PPM1L: variants seen among roughly 807,000 people sequenced by gnomAD.
PPM1L encodes protein phosphatase 1L.
A neutral mutation model predicts 31.4 loss-of-function variants in PPM1L; 13 were observed. The observed-to-expected ratio is 0.41, with a 90% CI of 0.27 to 0.66. PPM1L has a LOEUF of 0.66. Ranked by LOEUF, PPM1L falls within the 30% of genes least tolerant of loss-of-function variation. The pLI is 0.29. For synonymous variants in PPM1L, 184 were observed against 175.4 expected, an observed-to-expected ratio of 1.05 and a Z score of -0.39; for missense variants, 326 against 453.7, an observed-to-expected ratio of 0.72 and a Z score of 2.56.
intron 1 of PPM1L, among the ~76,000 whole-genome samples, chr3:160,819,866 A>G (rs1329061570): frequency 3.9e-5 from 6 of 152,046 alleles, no homozygotes; most frequent in Admixed American, 3.9e-4. Context: ...TATATTAATC[A>G]TATTTTTTGC....
chr3:160,918,046 G>A (rs983646058), intron 1 of PPM1L, among the ~76,000 whole-genome samples: 2 of 152,114 alleles, frequency 1.3e-5, no homozygotes, highest in Admixed American at 6.5e-5. Context: ...ACACTTGCAC[G>A]CGAATCCTTC....
At chr3:160,792,150 T>C (rs141313287) in intron 1 of PPM1L, among the ~76,000 whole-genome samples, 1 of 152,300 alleles carries the variant, frequency 6.6e-6, no homozygotes, top group East Asian at 1.9e-4. Flanking sequence ...GTGAAGTAGG[T>C]AGATTAAAAG....
intron 1 of PPM1L, among the ~76,000 whole-genome samples, chr3:160,767,160 A>G (rs1349818070): frequency 6.6e-6 from 1 of 151,736 alleles, no homozygotes; most frequent in African/African-American, 2.4e-5. Flanking sequence ...TTTTTACCAT[A>G]CCATCCACCA....
At chr3:161,001,494 T>A (rs1717480008) in intron 2 of PPM1L, among the ~76,000 whole-genome samples, 1 of 152,158 alleles carries the variant, frequency 6.6e-6, no homozygotes, top group African/African-American at 2.4e-5. Flanking sequence ...TTGGCCAGGC[T>A]GGTCTTGGAC....
intron 1 of PPM1L, among the ~76,000 whole-genome samples, chr3:160,906,068 T>A (rs956243833): frequency 6.6e-6 from 1 of 152,030 alleles, no homozygotes; most frequent in East Asian, 1.9e-4. Context: ...TTCTTAACAT[T>A]ATTATTATTA....
intron 1 of PPM1L, among the ~76,000 whole-genome samples, chr3:160,760,177 T>C (rs1226565288): frequency 6.6e-6 from 1 of 152,250 alleles, no homozygotes; most frequent in Non-Finnish European, 1.5e-5. Context: ...AATTCAGGAT[T>C]TCAGTTATCC....
intron 2 of PPM1L, among the ~76,000 whole-genome samples, chr3:160,977,548 G>A (rs1444783508): frequency 1.3e-5 from 2 of 152,094 alleles, no homozygotes; most frequent in East Asian, 1.9e-4. Context: ...TTCCTTACCT[G>A]AGTCACTCTG....
intron 2 of PPM1L, among the ~76,000 whole-genome samples, chr3:160,983,235 A>G (rs1348305108): frequency 1.3e-5 from 2 of 152,230 alleles, no homozygotes; most frequent in Admixed American, 6.5e-5. Flanking sequence ...AAAATGCAAG[A>G]AGGTCTAGGG....
Position 161,071,481 on chromosome 3 carries a change from TTCTC to T in PPM1L, c.*2328_*2331del, listed in dbSNP as rs780718560. ...TGCTGAGTGCACGAGTTACATAACT[TTCTC>T]TCTAATTGAGGTTCACAAGGCGTCT... is the stretch of plus-strand genomic sequence containing the variant. On this transcript the variant is annotated 3_prime_UTR_variant, in exon 4 of 4. Transcript: ENST00000498165. The T allele has an allele frequency of 3.3e-5, 5 of 152,204 alleles. No homozygotes were observed. The highest frequency in any genetic ancestry group is 9.7e-5 in the African/African-American group (4 of 41,450). 9.4% of individuals were successfully genotyped at this position (152,204 alleles called of 1,614,324 possible). A position where few individuals can be genotyped will look rare whatever the true frequency, so the allele number is the denominator to read the frequency against.
At chr3:160,975,253 C>T (rs1365143831) in intron 2 of PPM1L, among the ~76,000 whole-genome samples, 1 of 151,994 alleles carries the variant, frequency 6.6e-6, no homozygotes, top group Admixed American at 6.6e-5. Flanking sequence ...GGTACCAGTA[C>T]CATGCTCTTT....
At chr3:160,878,306 G>A (rs921550778) in intron 1 of PPM1L, among the ~76,000 whole-genome samples, 1 of 152,186 alleles carries the variant, frequency 6.6e-6, no homozygotes, top group African/African-American at 2.4e-5. Flanking sequence ...CACTTGGGAT[G>A]CTAGAACAAA....
At chr3:160,805,479 T>C (rs914566860) in intron 1 of PPM1L, among the ~76,000 whole-genome samples, 3 of 152,260 alleles carry the variant, frequency 2.0e-5, no homozygotes, top group African/African-American at 4.8e-5. Flanking sequence ...CCCAGGACTT[T>C]GGGAAGCCGA....
At chr3:161,059,262 C>A (rs773157773) in intron 2 of PPM1L, among the ~76,000 whole-genome samples, 44 of 152,130 alleles carry the variant, frequency 2.9e-4, no homozygotes, top group Non-Finnish European at 4.9e-4. Flanking sequence ...GTTATTTGCA[C>A]TGGACCAGAA....
chr3:161,069,954 C>T lies in PPM1L; in HGVS notation c.*797C>T, dbSNP rs1719857924. On this transcript the variant is annotated 3_prime_UTR_variant, in exon 4 of 4. Transcript: ENST00000498165. Reference sequence around the variant, plus strand: ...TTCACCAACAGATACCCTGATTTTTCATCTTACGTGACCAAGAAACCACGT... The same window carrying T: ...TTCACCAACAGATACCCTGATTTTTTATCTTACGTGACCAAGAAACCACGT... The T allele has an allele frequency of 6.6e-6, 1 of 152,166 alleles. No homozygotes were observed. The highest frequency in any genetic ancestry group is 1.5e-5 in the Non-Finnish European group (1 of 68,028). 9.4% of individuals were successfully genotyped at this position (152,166 alleles called of 1,614,324 possible).
intron 1 of PPM1L, among the ~76,000 whole-genome samples, chr3:160,843,078 T>C (rs1169766278): frequency 6.6e-6 from 1 of 152,040 alleles, no homozygotes; most frequent in Non-Finnish European, 1.5e-5. Context: ...TCTCCAAATC[T>C]AATTCTTTTT....
chr3:160,779,345 C>T lies in PPM1L; in HGVS notation c.399+22638C>T, dbSNP rs370913153. ...CTGTAGATCTGGATTTGAATCAAGG[C>T]CCATCCATTACTAGCTGTCTGAATT... On this transcript the variant is annotated intron_variant, in intron 1 of 3. Transcript: ENST00000498165. Among the ~76,000 whole-genome samples, 4 of 152,224 alleles carry T rather than the reference C, an allele frequency of 2.6e-5. No individual in the cohort carries two copies. In the East Asian group the frequency reaches 5.8e-4, roughly 22 times the overall value.
Position 160,997,586 on chromosome 3 carries a change from T to C in PPM1L, c.574+35676T>C, listed in dbSNP as rs1340169288. On this transcript the variant is annotated intron_variant, in intron 2 of 3. Transcript: ENST00000498165. Reference sequence around the variant, plus strand: ...ATTTTGGCAGTTCCAAGAAGTCACATTGTCAGATGTCAAATGGTCTGGTTT... The same window carrying C: ...ATTTTGGCAGTTCCAAGAAGTCACACTGTCAGATGTCAAATGGTCTGGTTT... 3.3e-5 allele frequency among the ~76,000 whole-genome samples: 5 copies of C among 152,312 alleles called. No homozygotes were observed. The East Asian group carries it at 7.7e-4, about 24-fold the overall frequency.
intron 2 of PPM1L, among the ~76,000 whole-genome samples, chr3:160,988,084 A>T (rs1717023162): frequency 6.6e-6 from 1 of 152,198 alleles, no homozygotes; most frequent in African/African-American, 2.4e-5. Flanking sequence ...CAGTCACATG[A>T]CTGCCTTCCA....
At chr3:160,983,791 G>A (rs983581369) in intron 2 of PPM1L, among the ~76,000 whole-genome samples, 1 of 152,136 alleles carries the variant, frequency 6.6e-6, no homozygotes, top group African/African-American at 2.4e-5. Context: ...AGTACAAAGA[G>A]AGAAATTTTA....
Sources: gnomAD v4.1 joint callset for allele counts (sites outside exome capture counted in the v4.1 genomes callset) on GRCh38, gnomAD v4.1.1 for gene constraint, MANE v1.5 for transcripts, NCBI Gene and HGNC (gene_info 2026-07-23, HGNC 2026-07-21) for gene names.